STIM1: variants seen among roughly 807,000 people sequenced by gnomAD.
The protein encoded by STIM1 is stromal interaction molecule 1.
In STIM1, 25 loss-of-function variants were observed where a neutral mutation model predicts 74.7. That is an observed-to-expected ratio of 0.33 (90% CI 0.24 to 0.47). The LOEUF (loss-of-function observed/expected upper bound fraction) is 0.47. Among genes scored for constraint, STIM1 ranks in the 20% least tolerant of loss-of-function variants. The pLI, the probability that STIM1 is intolerant of heterozygous loss-of-function variation, is 1.00. For missense variants in STIM1, 728 were observed against 920.8 expected (o/e 0.79, Z 2.71); for synonymous variants, 328 against 348.8 (o/e 0.94, Z 0.66).
At chr11:4,055,499 C>T in intron 3 of STIM1, 27 bp from the exon 4 acceptor site, 1 of 1,542,090 alleles carries the variant, frequency 6.5e-7, no homozygotes, top group Non-Finnish European at 8.8e-7. Context: ...ATTCTAGAGT[C>T]ATGGCTTTGC....
Position 4,083,281 on chromosome 11 carries a change from G to A in STIM1, c.1257G>A (p.Val419=). Residue 419 remains valine (V), a synonymous_variant, in exon 10 of 13, where the codon GTG becomes GTA. Coordinates refer to ENST00000526596, the MANE Select transcript of STIM1 (RefSeq NM_001382567.1). The part of the protein sequence containing the change: ...ILTAKQALSE[V]TAALRERLHR... ...TCTTCAGGCAAGCACTGAGCGAGGT[G>A]ACAGCAGCATTGCGGGAGCGCCTGC... 6.2e-7 allele frequency: 1 copy of A among 1,614,188 alleles called. No individual in the cohort carries two copies.
chr11:4,088,689 C>T, intron 12 of STIM1: 1 of 1,535,422 alleles, frequency 6.5e-7, no homozygotes, highest in Non-Finnish European at 8.7e-7. Context: ...TTTTCTTTTG[C>T]ACCACGCACC....
At chr11:4,031,442 A>C (rs2094049394) in intron 3 of STIM1, among the ~76,000 whole-genome samples, 1 of 152,188 alleles carries the variant, frequency 6.6e-6, no homozygotes, top group Non-Finnish European at 1.5e-5. Flanking sequence ...TATGGTAGGT[A>C]TATGTTTTTA....
chr11:3,938,253 A>G (rs2092960600), intron 1 of STIM1, among the ~76,000 whole-genome samples: 1 of 152,174 alleles, frequency 6.6e-6, no homozygotes, highest in African/African-American at 2.4e-5. Context: ...GAGAAATTCT[A>G]ATAGCATTGA....
chr11:3,894,769 C>T (rs1009571458), intron 1 of STIM1, among the ~76,000 whole-genome samples: 3 of 152,030 alleles, frequency 2.0e-5, no homozygotes, highest in African/African-American at 7.2e-5. Context: ...GACAGGGTCT[C>T]GATTTGTTGC....
intron 3 of STIM1, among the ~76,000 whole-genome samples, chr11:4,028,075 G>A (rs1171579164): frequency 6.6e-6 from 1 of 151,986 alleles, no homozygotes; most frequent in Non-Finnish European, 1.5e-5. Flanking sequence ...GATGCTATCT[G>A]CCAAACAAAG....
chr11:4,048,434 C>T (rs2094211172), intron 3 of STIM1, among the ~76,000 whole-genome samples: 1 of 152,062 alleles, frequency 6.6e-6, no homozygotes, highest in Non-Finnish European at 1.5e-5. Flanking sequence ...AACTTCAGAT[C>T]CAATAAAATG....
At chr11:4,048,721 A>AATT (rs931773975) in intron 3 of STIM1, among the ~76,000 whole-genome samples, 1 of 151,866 alleles carries the variant, frequency 6.6e-6, no homozygotes, top group Non-Finnish European at 1.5e-5. Context: ...CAGATATAAA[A>AATT]ATTATTATTA....
At chr11:3,930,084 T>G (rs1486477408) in intron 1 of STIM1, among the ~76,000 whole-genome samples, 1 of 152,184 alleles carries the variant, frequency 6.6e-6, no homozygotes, top group Admixed American at 6.5e-5. Context: ...TGGGTGTCTG[T>G]GCTGCATCAG....
chr11:3,914,594 G>A (rs4910861), intron 1 of STIM1, among the ~76,000 whole-genome samples: 80,839 of 151,920 alleles, frequency 0.53, 22,770 homozygotes, highest in African/African-American at 0.74. Flanking sequence ...GGTGTGCACC[G>A]CCACGCCCGG....
chr11:3,951,446 A>G (rs2093147200), intron 1 of STIM1, among the ~76,000 whole-genome samples: 1 of 152,176 alleles, frequency 6.6e-6, no homozygotes. Flanking sequence ...GAGCCCAGGA[A>G]TGTGTTCTCT....
intron 1 of STIM1, among the ~76,000 whole-genome samples, chr11:3,919,102 T>C (rs1279558175): frequency 6.6e-6 from 1 of 152,202 alleles, no homozygotes; most frequent in Non-Finnish European, 1.5e-5. Flanking sequence ...TGACATTTTA[T>C]AATAGAGATT....
chr11:3,870,689 G>A (rs569296130), intron 1 of STIM1, among the ~76,000 whole-genome samples: 20 of 151,808 alleles, frequency 1.3e-4, no homozygotes, highest in African/African-American at 4.8e-4. Context: ...TAGAGATGGG[G>A]GTCTCACCAT....
intron 1 of STIM1, among the ~76,000 whole-genome samples, chr11:3,905,783 T>C (rs530370038): frequency 3.8e-4 from 58 of 152,320 alleles, no homozygotes; most frequent in Non-Finnish European, 7.5e-4. Context: ...CATGATGTAT[T>C]CTTTCTGCTT....
intron 1 of STIM1, among the ~76,000 whole-genome samples, chr11:3,959,555 A>C (rs2093261979): frequency 6.6e-6 from 1 of 152,168 alleles, no homozygotes; most frequent in Admixed American, 6.5e-5. Context: ...GGTTCTTACC[A>C]CTTGGATGTG....
intron 2 of STIM1, chr11:3,974,177 C>T (rs1473795640): frequency 2.0e-5 from 11 of 543,124 alleles, no homozygotes; most frequent in South Asian, 7.3e-5. Flanking sequence ...CAAAGCTCAA[C>T]TCTCTGATGA....
rs1192405842 is a variant in STIM1, at chr11:3,856,091, C to T, written c.-180C>T. ...GAGGAGCCAGCCCTCCTCCCGCACC[C>T]AAACTTGGAGCACTTGACCTTTGGC... On this transcript the variant is annotated 5_prime_UTR_variant, in exon 1 of 13. Transcript: ENST00000526596. 3 of 743,386 alleles carry T rather than the reference C, an allele frequency of 4.0e-6. No homozygotes were observed. Among genetic ancestry groups the T allele is most frequent in the Non-Finnish European group, 6.7e-6 (3 of 450,072 alleles). 46.0% of individuals were successfully genotyped at this position (743,386 alleles called of 1,614,324 possible).
chr11:3,906,278 A>G (rs1421843945), intron 1 of STIM1, among the ~76,000 whole-genome samples: 2 of 152,242 alleles, frequency 1.3e-5, no homozygotes. Flanking sequence ...AACACTGAGA[A>G]TTAGAAGACA....
chr11:3,915,591 G>T (rs2092631795), intron 1 of STIM1, among the ~76,000 whole-genome samples: 1 of 151,954 alleles, frequency 6.6e-6, no homozygotes, highest in African/African-American at 2.4e-5. Flanking sequence ...TAGAGACGGG[G>T]TTTCACGGTG....
Sources: allele counts gnomAD v4.1 joint callset (sites outside exome capture counted in the v4.1 genomes callset), GRCh38; gene constraint gnomAD v4.1.1; transcripts MANE v1.5; gene names NCBI Gene and HGNC (gene_info 2026-07-23, HGNC 2026-07-21).